ZNF804A: variants seen among roughly 807,000 people sequenced by gnomAD.
ZNF804A encodes zinc finger protein 804A.
In ZNF804A, 2 loss-of-function variants were observed where a neutral mutation model predicts 16.5. The ratio of observed to expected loss-of-function variants is 0.12; its 90% CI spans 0.05 to 0.38. The LOEUF (loss-of-function observed/expected upper bound fraction) is 0.38. ZNF804A is among the 10% of genes least tolerant of loss of function. The pLI is 0.99. For synonymous variants in ZNF804A, 534 were observed against 489.6 expected (o/e 1.09, Z -1.20); for missense variants, 1,473 against 1,390.7 (o/e 1.06, Z -0.94).
rs1692499072 is a variant in ZNF804A at position 184,679,453 on chromosome 2, G to A, written c.111+80383G>A. ...GCCCCACCCCTTATGAGTTGGTGGG[G>A]CAGGAGCCCCACCCTCCCCGGTGCA... On this transcript the variant is annotated intron_variant, in intron 1 of 3. Transcript: ENST00000302277. Among the ~76,000 whole-genome samples the A allele has an allele frequency of 2.0e-5, 3 of 152,234 alleles. No homozygotes were observed. The South Asian group carries it at 6.2e-4, about 32-fold the overall frequency.
chr2:184,634,254 T>G (rs1461896540), intron 1 of ZNF804A, among the ~76,000 whole-genome samples: 4 of 152,210 alleles, frequency 2.6e-5, no homozygotes, highest in African/African-American at 9.6e-5. Context: ...TAAAGAATTA[T>G]CAACCATACC....
At chr2:184,745,240 A>C (rs1002958720) in intron 1 of ZNF804A, among the ~76,000 whole-genome samples, 2 of 151,764 alleles carry the variant, frequency 1.3e-5, no homozygotes, top group African/African-American at 2.4e-5. Context: ...AAAACCATTA[A>C]ATTTGAAACT....
chr2:184,923,520 A>G (rs540543157), intron 2 of ZNF804A, among the ~76,000 whole-genome samples: 98 of 151,908 alleles, frequency 6.5e-4, no homozygotes, highest in African/African-American at 2.2e-3. Flanking sequence ...TTCCTTTCCA[A>G]TTTGGATGCC....
chr2:184,879,697 A>G (rs1163583416), intron 2 of ZNF804A, among the ~76,000 whole-genome samples: 1 of 152,064 alleles, frequency 6.6e-6, no homozygotes, highest in Non-Finnish European at 1.5e-5. Context: ...ATTTTTTGGT[A>G]CTGACACACA....
intron 1 of ZNF804A, among the ~76,000 whole-genome samples, chr2:184,786,510 C>T (rs1694451204): frequency 1.3e-5 from 2 of 151,894 alleles, no homozygotes; most frequent in South Asian, 2.1e-4. Flanking sequence ...TTTCCTCCTT[C>T]GTATAAATTT....
At chr2:184,731,883 C>T (rs1235203289) in intron 1 of ZNF804A, among the ~76,000 whole-genome samples, 1 of 152,208 alleles carries the variant, frequency 6.6e-6, no homozygotes, top group South Asian at 2.1e-4. Context: ...GCTTTTAACC[C>T]ATTTCTTAAT....
intron 2 of ZNF804A, among the ~76,000 whole-genome samples, chr2:184,915,216 T>G (rs1227659700): frequency 6.6e-6 from 1 of 152,068 alleles, no homozygotes; most frequent in East Asian, 1.9e-4. Context: ...TTTCTGGCAT[T>G]ATTACTCTAT....
In ZNF804A at chr2:184,796,893, A is replaced by T. The variant is rs1285891506; in HGVS notation, c.112-69476A>T. 2.0e-5 allele frequency among the ~76,000 whole-genome samples: 3 copies of T among 152,132 alleles called. No homozygotes were observed. The East Asian group carries it at 5.8e-4, about 29-fold the overall frequency. ...TGATTTTGTTTTTGACCCAATGCTT[A>T]TTCAGGGTCAGGTTATTTAATTTCC... On this transcript the variant is annotated intron_variant, in intron 1 of 3. Coordinates refer to ENST00000302277, the MANE Select transcript of ZNF804A (RefSeq NM_194250.2).
intron 2 of ZNF804A, among the ~76,000 whole-genome samples, chr2:184,913,049 T>A (rs1685386773): frequency 6.6e-6 from 1 of 152,082 alleles, no homozygotes; most frequent in Non-Finnish European, 1.5e-5. Flanking sequence ...CCTTTAAGAC[T>A]TTTATAGATT....
chr2:184,608,187 C>T (rs1474506440), intron 1 of ZNF804A, among the ~76,000 whole-genome samples: 3 of 151,776 alleles, frequency 2.0e-5, no homozygotes, highest in African/African-American at 4.8e-5. Context: ...CCTCGTGATC[C>T]GCCCGCCTCG....
intron 1 of ZNF804A, among the ~76,000 whole-genome samples, chr2:184,831,995 G>C (rs1378664689): frequency 6.6e-6 from 1 of 151,982 alleles, no homozygotes; most frequent in East Asian, 1.9e-4. Flanking sequence ...AAAATAAGGA[G>C]ATTCAAGGAT....
At chr2:184,858,269 C>T (rs1164899322) in intron 1 of ZNF804A, among the ~76,000 whole-genome samples, 3 of 151,722 alleles carry the variant, frequency 2.0e-5, no homozygotes, top group African/African-American at 7.3e-5. Flanking sequence ...TTTGGGAGGC[C>T]GAGGCAGGTG....
chr2:184,722,460 A>G (rs1314668898), intron 1 of ZNF804A, among the ~76,000 whole-genome samples: 12 of 152,072 alleles, frequency 7.9e-5, no homozygotes, highest in Admixed American at 7.9e-4. Flanking sequence ...GTTTCTGAAG[A>G]CAGAAGTTTC....
chr2:184,687,753 C>T (rs1332354861), intron 1 of ZNF804A, among the ~76,000 whole-genome samples: 1 of 152,112 alleles, frequency 6.6e-6, no homozygotes, highest in Non-Finnish European at 1.5e-5. Context: ...AATTAAAAAT[C>T]ATAAAAATGG....
chr2:184,645,896 A>G (rs908442413), intron 1 of ZNF804A, among the ~76,000 whole-genome samples: 1 of 152,284 alleles, frequency 6.6e-6, no homozygotes, highest in Non-Finnish European at 1.5e-5. Flanking sequence ...GCCCCAATAC[A>G]TGAGAGAGGC....
intron 1 of ZNF804A, among the ~76,000 whole-genome samples, chr2:184,739,286 T>C (rs1228298331): frequency 6.6e-6 from 1 of 152,230 alleles, no homozygotes; most frequent in East Asian, 1.9e-4. Context: ...TTAGTCTTAT[T>C]GTAGTTACAT....
chr2:184,664,170 C>T (rs930076842), intron 1 of ZNF804A, among the ~76,000 whole-genome samples: 5 of 152,090 alleles, frequency 3.3e-5, no homozygotes, highest in African/African-American at 9.7e-5. Flanking sequence ...AGTTAAATGA[C>T]ACTATTTGTA....
chr2:184,765,614 C>G (rs10172501), intron 1 of ZNF804A, among the ~76,000 whole-genome samples: 19,286 of 141,580 alleles, frequency 0.14, 1,492 homozygotes, highest in Middle Eastern at 0.22. Flanking sequence ...CACCCCCCCC[C>G]CTTAGAGTCG....
intron 1 of ZNF804A, among the ~76,000 whole-genome samples, chr2:184,809,760 A>T (rs1354331551): frequency 1.3e-5 from 2 of 151,984 alleles, no homozygotes; most frequent in Non-Finnish European, 2.9e-5. Flanking sequence ...ATATGTATTT[A>T]TATGTGTATA....
Sources: gnomAD v4.1 joint callset for allele counts (sites outside exome capture counted in the v4.1 genomes callset) on GRCh38, gnomAD v4.1.1 for gene constraint, MANE v1.5 for transcripts, NCBI Gene and HGNC (gene_info 2026-07-23, HGNC 2026-07-21) for gene names.